The following BMAL1 variants were observed in gnomAD, a reference collection of about 807,000 sequenced individuals.
BMAL1 encodes basic helix-loop-helix ARNT like 1.
At chr11:13,341,705 C>T in the BMAL1 span, among the ~76,000 whole-genome samples, 1 of 152,244 alleles carries the variant, frequency 6.6e-6, no homozygotes, top group Non-Finnish European at 1.5e-5. Context: ...AGGAGTATTA[C>T]TCCCTGAGTC....
chr11:13,343,121 T>C, the BMAL1 span, among the ~76,000 whole-genome samples: 2 of 152,236 alleles, frequency 1.3e-5, no homozygotes, highest in African/African-American at 2.4e-5. Context: ...ACATACAGGC[T>C]AAATGTTGTG....
the BMAL1 span, among the ~76,000 whole-genome samples, chr11:13,312,383 T>G: frequency 2.6e-5 from 4 of 152,184 alleles, no homozygotes; most frequent in Admixed American, 2.0e-4. Flanking sequence ...GTAGAAGGAC[T>G]AGAGATAGAT....
chr11:13,335,314 T>C, the BMAL1 span, among the ~76,000 whole-genome samples: 3 of 152,228 alleles, frequency 2.0e-5, no homozygotes, highest in Admixed American at 6.5e-5. Context: ...GTCTATTCCT[T>C]CTCTTATTCT....
the BMAL1 span, chr11:13,378,358 C>T: frequency 2.5e-6 from 4 of 1,612,294 alleles, no homozygotes; most frequent in Non-Finnish European, 3.4e-6. Context: ...AGGACCCACC[C>T]CACTGTTCCA....
the BMAL1 span, chr11:13,354,570 C>T: frequency 7.3e-7 from 1 of 1,363,882 alleles, no homozygotes; most frequent in Non-Finnish European, 9.8e-7. Flanking sequence ...AAACCCAACT[C>T]TAGGTGGCGA....
the BMAL1 span, chr11:13,365,528 G>T: frequency 6.2e-7 from 1 of 1,613,630 alleles, no homozygotes; most frequent in Non-Finnish European, 8.5e-7. Context: ...TTTGTCGTAG[G>T]ATGTGACCGA....
the BMAL1 span, among the ~76,000 whole-genome samples, chr11:13,312,778 CTAAT>C: frequency 6.6e-6 from 1 of 152,158 alleles, no homozygotes; most frequent in Non-Finnish European, 1.5e-5. Flanking sequence ...TATGTACTCA[CTAAT>C]TATTTATTGC....
the BMAL1 span, among the ~76,000 whole-genome samples, chr11:13,313,079 G>C: frequency 6.6e-6 from 1 of 152,232 alleles, no homozygotes; most frequent in Admixed American, 6.5e-5. Context: ...CAGCTGCGCT[G>C]TCAGCACCTT....
At chr11:13,378,525 C>T in the BMAL1 span, 2 of 1,542,798 alleles carry the variant, frequency 1.3e-6, no homozygotes, top group South Asian at 1.2e-5. Flanking sequence ...CAATATTTTG[C>T]AATGTCAGGA....
chr11:13,309,396 C>A, the BMAL1 span, among the ~76,000 whole-genome samples: 1 of 152,064 alleles, frequency 6.6e-6, no homozygotes, highest in Non-Finnish European at 1.5e-5. Context: ...ATTCTGGGAG[C>A]CTCTGATGGT....
At chr11:13,374,248 C>G in the BMAL1 span, 53 of 1,538,040 alleles carry the variant, frequency 3.4e-5, no homozygotes, top group Non-Finnish European at 4.0e-5. Flanking sequence ...TGTCCCCTTG[C>G]TTCTAGACTA....
At chr11:13,323,947 A>G in the BMAL1 span, among the ~76,000 whole-genome samples, 1 of 152,232 alleles carries the variant, frequency 6.6e-6, no homozygotes, top group Non-Finnish European at 1.5e-5. Context: ...ACACATAATA[A>G]TTGTACATAT....
the BMAL1 span, chr11:13,365,382 C>A: frequency 2.6e-6 from 2 of 764,728 alleles, no homozygotes; most frequent in Non-Finnish European, 4.2e-6. Context: ...ATCACTGAAA[C>A]TGTTAGTGTT....
chr11:13,279,647 A>G, the BMAL1 span, among the ~76,000 whole-genome samples: 43 of 152,340 alleles, frequency 2.8e-4, no homozygotes, highest in Non-Finnish European at 5.4e-4. Flanking sequence ...TTTTGAAAAT[A>G]CAAAATTCAG....
chr11:13,356,777 GGTACCAT>G, the BMAL1 span: 1 of 1,614,062 alleles, frequency 6.2e-7, no homozygotes, highest in Non-Finnish European at 8.5e-7. Flanking sequence ...CCTCATGGAA[GGTACCAT>G]GAACCTAGTA....
At chr11:13,280,328 C>A in the BMAL1 span, among the ~76,000 whole-genome samples, 1 of 152,104 alleles carries the variant, frequency 6.6e-6, no homozygotes, top group Non-Finnish European at 1.5e-5. Context: ...CAGATTTATC[C>A]CTTCACACCA....
chr11:13,318,452 T>A, the BMAL1 span, among the ~76,000 whole-genome samples: 1 of 151,896 alleles, frequency 6.6e-6, no homozygotes, highest in Non-Finnish European at 1.5e-5. Context: ...TATAAATTTC[T>A]ATAGCTGCTA....
chr11:13,361,280 C>CA, the BMAL1 span, among the ~76,000 whole-genome samples: 1 of 152,078 alleles, frequency 6.6e-6, no homozygotes, highest in African/African-American at 2.4e-5. Context: ...TAGGTCGGCA[C>CA]AAAGCTCTAA....
chr11:13,304,823 G>A, the BMAL1 span, among the ~76,000 whole-genome samples: 1 of 152,216 alleles, frequency 6.6e-6, no homozygotes, highest in African/African-American at 2.4e-5. Flanking sequence ...CACAAAAGGA[G>A]GAAGTTCTGG....
Sources: allele counts gnomAD v4.1 joint callset (sites outside exome capture counted in the v4.1 genomes callset), GRCh38; gene constraint gnomAD v4.1.1; transcripts MANE v1.5; gene names NCBI Gene and HGNC (gene_info 2026-07-23, HGNC 2026-07-21).